Variants in KIF18A observed in about 807,000 individuals in gnomAD.
The protein encoded by KIF18A is kinesin family member 18A.
Under a neutral mutation model 103.3 loss-of-function variants are expected in KIF18A, and 67 were observed. That is an observed-to-expected ratio of 0.65 (90% confidence interval 0.53 to 0.79). The LOEUF is 0.79. Among genes scored for constraint, KIF18A ranks in the 30% least tolerant of loss-of-function variants. The probability of loss-of-function intolerance (pLI) is 0.00; values close to 1 mark genes in which losing one functional copy is unlikely to be tolerated. For synonymous variants in KIF18A, 367 were observed against 355.5 expected, an observed-to-expected ratio of 1.03 and a Z score of -0.36; for missense variants, 1,032 against 1,062.5, an observed-to-expected ratio of 0.97 and a Z score of 0.40.
In KIF18A at chr11:28,058,857, T is replaced by C. The variant is rs866231757; in HGVS notation, c.1948+69A>G. 5.3e-6 allele frequency: 6 copies of C among 1,142,744 alleles called. 1 individual carries two copies. The highest frequency in any genetic ancestry group is 4.0e-4 in the Middle Eastern group (2 of 4,942). The allele number at this position is 1,142,744 out of a possible 1,614,324, so 70.8% of individuals were successfully genotyped here. On this transcript the variant is annotated intron_variant, in intron 13 of 16. Transcript: ENST00000263181. ...AAACCTATTAAAATTAACTGTTCTA[T>C]AGATTGATATACAAAGGTTCTCTTT...
In KIF18A at chr11:28,088,581, A is replaced by G. The variant is rs781211153; in HGVS notation, c.840T>C (p.Asn280=). The change falls in exon 6 of 17, where the codon AAT becomes AAC. Residue 280 remains asparagine, a synonymous_variant. Coordinates refer to ENST00000263181, the MANE Select transcript of KIF18A (RefSeq NM_031217.4). ...CAAGAGCTAAAAGTGATCTATTAAT[A>G]TTTGTGCCTTCTACAAATCGGGTCC... ...AKGTRFVEGT[N]INRSLLALGN... is the part of the protein sequence containing the mutation. 1.2e-6 allele frequency: 2 copies of G among 1,614,056 alleles called. No individual in the cohort carries two copies. The highest frequency in any genetic ancestry group is 2.2e-5 in the South Asian group (2 of 91,076).
chr11:28,050,508 T>C (rs1335525476), intron 13 of KIF18A, among the ~76,000 whole-genome samples: 1 of 151,874 alleles, frequency 6.6e-6, no homozygotes, highest in Non-Finnish European at 1.5e-5. Flanking sequence ...AACTTATGTG[T>C]GAACTCTATA....
rs192922842 is a variant in KIF18A at position 28,057,637 on chromosome 11, A to G, written c.1948+1289T>C. Among the ~76,000 whole-genome samples, 385 of 152,292 alleles carry G rather than the reference A, an allele frequency of 2.5e-3. 3 individuals carry two copies. Among genetic ancestry groups the G allele is most frequent in the African/African-American group, 8.4e-3 (351 of 41,568 alleles). On this transcript the variant is annotated intron_variant, in intron 13 of 16. Coordinates refer to ENST00000263181, the MANE Select transcript of KIF18A (RefSeq NM_031217.4). ...CTCATGGGTACTAAGTACAGAAAAA[A>G]ATTATGAAAAGCAGTTTAACATGAT...
intron 6 of KIF18A, among the ~76,000 whole-genome samples, chr11:28,087,589 G>C (rs183440239): frequency 2.0e-5 from 3 of 152,028 alleles, no homozygotes; most frequent in African/African-American, 7.3e-5. Context: ...ATAATTCTTT[G>C]GGCGTATATA....
At chr11:28,073,673 G>T (rs1170134386) in intron 10 of KIF18A, among the ~76,000 whole-genome samples, 3 of 152,058 alleles carry the variant, frequency 2.0e-5, no homozygotes, top group Non-Finnish European at 2.9e-5. Flanking sequence ...AAAAATGTCT[G>T]GCAAATAGCG....
intron 9 of KIF18A, among the ~76,000 whole-genome samples, chr11:28,079,537 A>C (rs1851136416): frequency 6.6e-6 from 1 of 152,100 alleles, no homozygotes; most frequent in Admixed American, 6.6e-5. Context: ...TTTTCCTTAT[A>C]GATACTGAGA....
intron 15 of KIF18A, among the ~76,000 whole-genome samples, chr11:28,034,524 T>C (rs1233810390): frequency 6.6e-6 from 1 of 151,722 alleles, no homozygotes; most frequent in African/African-American, 2.4e-5. Flanking sequence ...CTCCAATTTT[T>C]CTGTGAAAGC....
intron 13 of KIF18A, among the ~76,000 whole-genome samples, chr11:28,053,587 T>G (rs576622435): frequency 6.6e-6 from 1 of 152,120 alleles, no homozygotes; most frequent in Non-Finnish European, 1.5e-5. Context: ...ATGTGCCATG[T>G]TGGTGTGCTG....
intron 15 of KIF18A, among the ~76,000 whole-genome samples, chr11:28,027,226 A>T (rs1850332658): frequency 6.6e-6 from 1 of 151,894 alleles, no homozygotes; most frequent in Admixed American, 6.6e-5. Flanking sequence ...AAAGAGGTAG[A>T]GGAAGTCAGA....
intron 4 of KIF18A, among the ~76,000 whole-genome samples, chr11:28,091,123 A>T (rs961917563): frequency 1.4e-5 from 2 of 147,232 alleles, no homozygotes; most frequent in Non-Finnish European, 1.5e-5. Context: ...GCCCGGTCAC[A>T]AAATAAATAA....
At chr11:28,101,362 G>T (rs537500699) in intron 1 of KIF18A, among the ~76,000 whole-genome samples, 1 of 152,222 alleles carries the variant, frequency 6.6e-6, no homozygotes, top group East Asian at 1.9e-4. Context: ...TGTTAACAAA[G>T]TAAACATAAA....
chr11:28,100,569 G>GA (rs1013794723), intron 1 of KIF18A, among the ~76,000 whole-genome samples: 14 of 149,562 alleles, frequency 9.4e-5, no homozygotes, highest in Admixed American at 2.7e-4. Context: ...GAAGGGGGGG[G>GA]GTGGTGTCAA....
intron 3 of KIF18A, among the ~76,000 whole-genome samples, chr11:28,094,312 GT>G (rs1406053375): frequency 2.0e-5 from 3 of 152,016 alleles, no homozygotes; most frequent in Non-Finnish European, 2.9e-5. Context: ...AAAAAGTCCT[GT>G]TTTTACAAGT....
At chr11:28,097,114 C>T (rs529887886) in intron 2 of KIF18A, among the ~76,000 whole-genome samples, 2 of 152,166 alleles carry the variant, frequency 1.3e-5, no homozygotes, top group South Asian at 4.1e-4. Flanking sequence ...TTTCATCACT[C>T]AGGTAAGGAG....
intron 3 of KIF18A, among the ~76,000 whole-genome samples, chr11:28,092,050 C>T (rs1211621790): frequency 1.3e-5 from 2 of 152,094 alleles, no homozygotes; most frequent in African/African-American, 2.4e-5. Flanking sequence ...CTTCTGACCT[C>T]GTGATCCGCC....
At chr11:28,088,753 G>A (rs1242787536) in intron 5 of KIF18A, 32 bp from the exon 6 acceptor site, 6 of 1,537,022 alleles carry the variant, frequency 3.9e-6, no homozygotes, top group African/African-American at 2.7e-5. Context: ...AAAAAAATGA[G>A]GATAAGATTT....
intron 6 of KIF18A, 28 bp downstream of exon 6, chr11:28,088,496 A>C (rs760272241): frequency 1.9e-6 from 3 of 1,563,490 alleles, no homozygotes; most frequent in Non-Finnish European, 2.6e-6. Flanking sequence ...ATTTCAAACT[A>C]TTTAACAAAT....
At chr11:28,043,628 T>C (rs1850589005) in intron 13 of KIF18A, among the ~76,000 whole-genome samples, 1 of 135,296 alleles carries the variant, frequency 7.4e-6, no homozygotes, top group Non-Finnish European at 1.6e-5. Context: ...TATTTGATGA[T>C]ATAAAAAAAT....
intron 9 of KIF18A, among the ~76,000 whole-genome samples, chr11:28,079,646 G>C (rs1318177079): frequency 6.6e-6 from 1 of 152,076 alleles, no homozygotes; most frequent in Non-Finnish European, 1.5e-5. Context: ...TGGCTCTGCA[G>C]AATGTCAAAT....
Sources: gnomAD v4.1 joint callset for allele counts (sites outside exome capture counted in the v4.1 genomes callset) on GRCh38, gnomAD v4.1.1 for gene constraint, MANE v1.5 for transcripts, NCBI Gene and HGNC (gene_info 2026-07-23, HGNC 2026-07-21) for gene names.